LYPD6B: variants seen among roughly 807,000 people sequenced by gnomAD.
LYPD6B encodes the protein ly6/PLAUR domain-containing protein 6B.
LYPD6B carries 17 observed loss-of-function variants against 22.8 expected under a neutral mutation model. That is an observed-to-expected ratio of 0.75 (90% CI 0.51 to 1.12). The LOEUF is 1.12. LYPD6B is among the 50% of genes most tolerant of loss of function. LYPD6B has a pLI of 0.00. For synonymous variants in LYPD6B, 106 were observed against 91.6 expected, an observed-to-expected ratio of 1.16 and a Z score of -0.90; for missense variants, 221 against 258.3, an observed-to-expected ratio of 0.86 and a Z score of 0.99.
chr2:149,067,073 G>A (rs1574905480), intron 1 of LYPD6B, among the ~76,000 whole-genome samples: 1 of 152,126 alleles, frequency 6.6e-6, no homozygotes, highest in African/African-American at 2.4e-5. Flanking sequence ...TTGGTTTCCT[G>A]TTCCATGTTA....
At chr2:149,207,497 T>C (rs1036364466) in intron 4 of LYPD6B, among the ~76,000 whole-genome samples, 1 of 151,242 alleles carries the variant, frequency 6.6e-6, no homozygotes, top group African/African-American at 2.4e-5. Context: ...TCTTGTCCGC[T>C]AAAATTACAA....
chr2:149,087,018 T>A lies in LYPD6B; in HGVS notation c.-66-43865T>A, dbSNP rs572688096. 3.2e-3 allele frequency among the ~76,000 whole-genome samples: 481 copies of A among 151,600 alleles called. 2 individuals are homozygous for A. Among genetic ancestry groups the A allele is most frequent in the African/African-American group, 9.4e-3 (389 of 41,366 alleles). ...TGAAGTAAGAAGGTATTTTTTTTTT[T>A]AAAAAAACCCTATCTCCAAATACAG... On this transcript the variant is annotated intron_variant, in intron 1 of 6. Coordinates refer to ENST00000409642, the MANE Select transcript of LYPD6B (RefSeq NM_177964.5).
At chr2:149,189,743 T>C (rs1692376019) in intron 3 of LYPD6B, among the ~76,000 whole-genome samples, 1 of 152,144 alleles carries the variant, frequency 6.6e-6, no homozygotes, top group Non-Finnish European at 1.5e-5. Context: ...TAGACAACTG[T>C]GAATGTGCTC....
At chr2:149,135,102 G>A (rs561884420) in intron 2 of LYPD6B, among the ~76,000 whole-genome samples, 8 of 151,012 alleles carry the variant, frequency 5.3e-5, no homozygotes, top group Admixed American at 1.3e-4. Flanking sequence ...AAAATTAGCC[G>A]GGTGTGGTGA....
intron 3 of LYPD6B, among the ~76,000 whole-genome samples, chr2:149,173,408 C>T (rs1321584909): frequency 7.9e-6 from 1 of 126,594 alleles, no homozygotes; most frequent in African/African-American, 3.1e-5. Flanking sequence ...AGCTGCCATT[C>T]CTGGCTTTGT....
At chr2:149,109,821 C>T (rs1574982480) in intron 1 of LYPD6B, among the ~76,000 whole-genome samples, 3 of 152,216 alleles carry the variant, frequency 2.0e-5, no homozygotes, top group African/African-American at 7.2e-5. Context: ...AAGCGATTAT[C>T]CTTCCTCAGC....
chr2:149,045,224 T>A (rs1274649767), intron 1 of LYPD6B, among the ~76,000 whole-genome samples: 1 of 152,102 alleles, frequency 6.6e-6, no homozygotes, highest in Non-Finnish European at 1.5e-5. Flanking sequence ...TTTTGTGGTG[T>A]TCTTTTATTA....
intron 1 of LYPD6B, among the ~76,000 whole-genome samples, chr2:149,062,247 A>G (rs1423906232): frequency 6.6e-6 from 1 of 152,202 alleles, no homozygotes; most frequent in Non-Finnish European, 1.5e-5. Flanking sequence ...TCGGCCTCCC[A>G]AAGTGCTGGG....
intron 3 of LYPD6B, among the ~76,000 whole-genome samples, chr2:149,183,353 C>T (rs1194438382): frequency 6.6e-6 from 1 of 152,170 alleles, no homozygotes; most frequent in Non-Finnish European, 1.5e-5. Flanking sequence ...CAAACCTAAG[C>T]ACTTGTCTGT....
intron 1 of LYPD6B, among the ~76,000 whole-genome samples, chr2:149,129,064 A>G (rs1439477748): frequency 6.6e-6 from 1 of 152,210 alleles, no homozygotes; most frequent in East Asian, 1.9e-4. Flanking sequence ...GGTGAATAAC[A>G]AAGGGCATGT....
At chr2:149,075,066 G>A (rs1404678053) in intron 1 of LYPD6B, among the ~76,000 whole-genome samples, 2 of 152,116 alleles carry the variant, frequency 1.3e-5, no homozygotes, top group Non-Finnish European at 2.9e-5. Context: ...CATAAAACAT[G>A]GTGAGCCAAT....
chr2:149,195,127 T>A (rs575028028), intron 3 of LYPD6B, among the ~76,000 whole-genome samples: 5 of 152,350 alleles, frequency 3.3e-5, no homozygotes, highest in East Asian at 1.9e-4. Flanking sequence ...GTCATTTTTT[T>A]AAAATTTGCA....
chr2:149,154,411 C>T (rs1440275479), intron 2 of LYPD6B, among the ~76,000 whole-genome samples: 1 of 152,180 alleles, frequency 6.6e-6, no homozygotes, highest in Non-Finnish European at 1.5e-5. Flanking sequence ...TGAACCAACC[C>T]TGCCAGCATC....
At chr2:149,061,231 C>T (rs950483664) in intron 1 of LYPD6B, among the ~76,000 whole-genome samples, 15 of 149,230 alleles carry the variant, frequency 1.0e-4, no homozygotes, top group Non-Finnish European at 2.1e-4. Context: ...GGGTCTTGCT[C>T]TGTCCCACAG....
At position 149,185,840 on chromosome 2, in the gene LYPD6B, A is replaced by T. The variant is rs140571835; in HGVS notation, c.78-19413A>T. ...CTTCCTCATTATTATTATACCTGTT[A>T]TGGTGATCTGTGATTAGTGATCTTT... On this transcript the variant is annotated intron_variant, in intron 3 of 6. Transcript: ENST00000409642. 2.5e-4 allele frequency among the ~76,000 whole-genome samples: 38 copies of T among 152,254 alleles called. 1 individual carries two copies. The East Asian group carries it at 2.9e-3, about 12-fold the overall frequency.
chr2:149,044,850 C>T (rs1277734782), intron 1 of LYPD6B, among the ~76,000 whole-genome samples: 3 of 151,762 alleles, frequency 2.0e-5, no homozygotes, highest in Non-Finnish European at 4.4e-5. Flanking sequence ...GCTTTTTTTA[C>T]CATCAACTGA....
chr2:149,208,363 G>T lies in LYPD6B; in HGVS notation c.279G>T (p.Gly93=). The T allele has an allele frequency of 1.9e-6, 3 of 1,613,688 alleles. No individual in the cohort carries two copies. The highest frequency in any genetic ancestry group is 2.5e-6 in the Non-Finnish European group (3 of 1,179,716). Reference sequence around the variant, plus strand: ...AGTGCTTTACTTGTGAAAACGCAGGGGATAATTATAACTGCAATCGATGGG... The same window carrying T: ...AGTGCTTTACTTGTGAAAACGCAGGTGATAATTATAACTGCAATCGATGGG... ...SFKCFTCENA[G]DNYNCNRWAE... The change falls in exon 5 of 7, where the codon GGG becomes GGT. Residue 93 remains glycine (G), a synonymous_variant. Transcript: ENST00000409642.
At chr2:149,077,273 T>C (rs1411465817) in intron 1 of LYPD6B, among the ~76,000 whole-genome samples, 2 of 152,196 alleles carry the variant, frequency 1.3e-5, no homozygotes, top group Non-Finnish European at 2.9e-5. Context: ...GTCAGGTCTT[T>C]GTAGAAAGCT....
chr2:149,168,794 T>A (rs1273403359), intron 3 of LYPD6B, among the ~76,000 whole-genome samples: 4 of 152,326 alleles, frequency 2.6e-5, no homozygotes, highest in African/African-American at 9.6e-5. Flanking sequence ...GCCTAGCTTC[T>A]CTTTTGCATT....
Sources: gnomAD v4.1 joint callset for allele counts (sites outside exome capture counted in the v4.1 genomes callset) on GRCh38, gnomAD v4.1.1 for gene constraint, MANE v1.5 for transcripts, NCBI Gene and HGNC (gene_info 2026-07-23, HGNC 2026-07-21) for gene names.